Variants in GRIN2C observed in about 807,000 individuals in gnomAD.
The protein encoded by GRIN2C is glutamate ionotropic receptor NMDA type subunit 2C, also known as glutamate receptor ionotropic, NMDA 2C.
In GRIN2C, 64 loss-of-function variants were observed where a neutral mutation model predicts 77.7. The ratio of observed to expected loss-of-function variants is 0.82; its 90% CI spans 0.67 to 1.01. GRIN2C has a LOEUF of 1.01. Among genes scored for constraint, GRIN2C ranks in the 50% least tolerant of loss-of-function variants. The probability of loss-of-function intolerance (pLI) is 0.00; values close to 1 mark genes in which losing one functional copy is unlikely to be tolerated. For missense variants in GRIN2C, 1,549 were observed against 1,486.0 expected, an observed-to-expected ratio of 1.04 and a Z score of -0.70; for synonymous variants, 792 against 643.4, an observed-to-expected ratio of 1.23 and a Z score of -3.49.
chr17:74,850,458 G>A lies in GRIN2C; in HGVS notation c.1326-87C>T. 1.3e-6 allele frequency: 2 copies of A among 1,567,512 alleles called. No individual in the cohort carries two copies. The highest frequency in any genetic ancestry group is 1.7e-6 in the Non-Finnish European group (2 of 1,145,708). ...CAGCCACTCCTCCAGCCTGGCACGT[G>A]GACCCCTGCCCCACACCCAAGCATG... On this transcript the variant is annotated intron_variant, in intron 5 of 12. Transcript: ENST00000293190. This position sits in a 1 kb window ranked among gnomAD's most constrained non-coding sequence, Gnocchi z 5.3.
In GRIN2C at chr17:74,843,454, T is replaced by G; in HGVS notation, c.2683A>C (p.Lys895Gln). 2.0e-6 allele frequency: 3 copies of G among 1,535,222 alleles called. No homozygotes were observed. Among genetic ancestry groups the G allele is most frequent in the Non-Finnish European group, 2.6e-6 (3 of 1,146,304 alleles). ...TASSAQASVL[K>Q]MLQAARDMVT... ...ATGTCGCGGGCTGCCTGCAGCATCT[T>G]GAGCACGCTGGCCTGGGCCGAGCTG... The change falls in exon 13 of 13, where the codon AAG becomes CAG. Residue 895 changes from lysine (K) to glutamine (Q), a missense_variant. By Grantham distance (53) the Lys-to-Gln change is moderately conservative. Transcript: ENST00000293190.
At position 74,846,791 on chromosome 17, in the gene GRIN2C, C is replaced by T. The variant is rs1220782004; in HGVS notation, c.2131G>A (p.Val711Met). ...THMVKFNQRS[V>M]EDALTSLKMG... ...TTGAGGCTGGTGAGCGCGTCCTCCA[C>T]CGAGCGCTGGTTGAACTTGACCATG... The change falls in exon 10 of 13, where the codon GTG becomes ATG. Residue 711 changes from valine to methionine, a missense_variant. Val to Met is a conservative substitution (Grantham distance 21). Coordinates refer to ENST00000293190, the MANE Select transcript of GRIN2C (RefSeq NM_000835.6). This position sits in a 1 kb window ranked among gnomAD's most constrained non-coding sequence, Gnocchi z 4.4. The T allele has an allele frequency of 6.2e-7, 1 of 1,614,102 alleles. No homozygotes were observed. The highest frequency in any genetic ancestry group is 1.1e-5 in the South Asian group (1 of 91,084).
chr17:74,850,840 G>T lies in GRIN2C; in HGVS notation c.1114-73C>A. 7.1e-6 allele frequency: 9 copies of T among 1,276,244 alleles called. No homozygotes were observed. The highest frequency in any genetic ancestry group is 1.0e-5 in the Non-Finnish European group (9 of 899,296). The allele number at this position is 1,276,244 out of a possible 1,614,324, so 79.1% of individuals were successfully genotyped here. ...CCACCCTCTAGGTGGAGCCTGCCAG[G>T]GCCAAGAATCTCCCTCTCTCACCTA... On this transcript the variant is annotated intron_variant, in intron 4 of 12. Coordinates refer to ENST00000293190, the MANE Select transcript of GRIN2C (RefSeq NM_000835.6). The surrounding 1 kb of genome is among the most constrained non-coding windows in gnomAD (Gnocchi z 5.3).
chr17:74,855,234 C>T, intron 1 of GRIN2C, 127 bp from the exon 2 acceptor site: 2 of 708,138 alleles, frequency 2.8e-6, no homozygotes, highest in Non-Finnish European at 4.5e-6. Flanking sequence ...ACCTCCCTCC[C>T]CGAAGAGAGG....
chr17:74,852,476 G>C lies in GRIN2C; in HGVS notation c.535C>G (p.Leu179Val). The change falls in exon 3 of 13, where the codon CTG (leucine) becomes GTG (valine). Residue 179 changes from leucine (L) to valine (V), a missense_variant. Leu to Val is a conservative substitution (Grantham distance 32). Transcript: ENST00000293190. ...TSLHPGHALF[L>V]EGVRAVADAS... Reference sequence around the variant, plus strand: ...TCGGCGACGGCGCGCACGCCCTCCAGGAAGAGCGCGTGGCCCGGGTGCAGG... The same window carrying C: ...TCGGCGACGGCGCGCACGCCCTCCACGAAGAGCGCGTGGCCCGGGTGCAGG... 1 of 1,562,516 alleles carries C rather than the reference G, an allele frequency of 6.4e-7. No individual in the cohort carries two copies. Among genetic ancestry groups the C allele is most frequent in the South Asian group, 1.2e-5 (1 of 86,276 alleles).
At chr17:74,858,597 T>A (rs1488285725) in intron 1 of GRIN2C, among the ~76,000 whole-genome samples, 1 of 78,828 alleles carries the variant, frequency 1.3e-5, no homozygotes, top group African/African-American at 5.1e-5. Context: ...CTCCCTTGCC[T>A]CCCCCTCCCC....
chr17:74,847,591 G>A lies in GRIN2C; in HGVS notation c.1772-54C>T. 7.7e-7 allele frequency: 1 copy of A among 1,305,302 alleles called. No homozygotes were observed. 80.9% of individuals were successfully genotyped at this position (1,305,302 alleles called of 1,614,324 possible). ...AGCTCCTCCTGCCCACCATGAAAGG[G>A]CTCAGGGCTCAGCCCACCCGACTGC... On this transcript the variant is annotated intron_variant, in intron 8 of 12. Coordinates refer to ENST00000293190, the MANE Select transcript of GRIN2C (RefSeq NM_000835.6). This position sits in a 1 kb window ranked among gnomAD's most constrained non-coding sequence, Gnocchi z 5.2.
At position 74,851,631 on chromosome 17, in the gene GRIN2C, C is replaced by T; in HGVS notation, c.1059G>A (p.Leu353=). 6.4e-7 allele frequency: 1 copy of T among 1,573,026 alleles called. No homozygotes were observed. Among genetic ancestry groups the T allele is most frequent in the Non-Finnish European group, 8.6e-7 (1 of 1,158,180 alleles). The change falls in exon 4 of 13, where the codon CTG becomes CTA. Residue 353 remains leucine, a synonymous_variant. Transcript: ENST00000293190. ...RDFSFSPGGY[L]VQPTMVVIAL... is the part of the protein sequence containing the mutation. ...CGATCACCACCATGGTGGGCTGGAC[C>T]AGGTACCCACCAGGGCTGAAGGAGA...
chr17:74,854,463 T>C, intron 2 of GRIN2C: 1 of 520,352 alleles, frequency 1.9e-6, no homozygotes, highest in East Asian at 3.2e-5. Context: ...AGGGTGGGCC[T>C]GCACCCTGCC....
chr17:74,842,590 C>G lies in GRIN2C; in HGVS notation c.3547G>C (p.Gly1183Arg), dbSNP rs775784886. Residue 1183 changes from glycine (G) to arginine (R), a missense_variant, in exon 13 of 13, where the codon GGG becomes CGG. Coordinates refer to ENST00000293190, the MANE Select transcript of GRIN2C (RefSeq NM_000835.6). ...SHGSWLSGAWGPLGHRGRTLG... is the reference protein window; with the variant it reads ...SHGSWLSGAWRPLGHRGRTLG... ...GTCCTGCCCCTGTGCCCCAGAGGCC[C>G]CCAGGCCCCGGAGAGCCAGGAGCCG... is the stretch of plus-strand genomic sequence containing the variant. 1 of 769,988 alleles carries G rather than the reference C, an allele frequency of 1.3e-6. No individual in the cohort carries two copies. Among genetic ancestry groups the G allele is most frequent in the Non-Finnish European group, 2.4e-6 (1 of 413,428 alleles). 47.7% of individuals were successfully genotyped at this position (769,988 alleles called of 1,614,324 possible).
Position 74,842,399 on chromosome 17 carries a change from G to T in GRIN2C, c.*36C>A. ...CTTAACCCTGACAGTGGCAGGCAGA[G>T]AATCCAGCTGGCTCGGAGCCTGAGT... On this transcript the variant is annotated 3_prime_UTR_variant, in exon 13 of 13. Transcript: ENST00000293190. The T allele has an allele frequency of 1.3e-6, 1 of 749,008 alleles. No individual in the cohort carries two copies. The highest frequency in any genetic ancestry group is 2.5e-6 in the Non-Finnish European group (1 of 403,890). The allele number at this position is 749,008 out of a possible 1,614,324, so 46.4% of individuals were successfully genotyped here.
In GRIN2C at chr17:74,850,985, T is replaced by G; in HGVS notation, c.1114-218A>C. On this transcript the variant is annotated intron_variant, in intron 4 of 12. Transcript: ENST00000293190. The surrounding 1 kb of genome is among the most constrained non-coding windows in gnomAD (Gnocchi z 5.3). Reference sequence around the variant, plus strand: ...TCTTCCTAAAGCCCAGACCTGACCCTGTCTCACTCACTGTACTGGTCCCCC... The same window carrying G: ...TCTTCCTAAAGCCCAGACCTGACCCGGTCTCACTCACTGTACTGGTCCCCC... 1 of 593,736 alleles carries G rather than the reference T, an allele frequency of 1.7e-6. No individual in the cohort carries two copies. The highest frequency in any genetic ancestry group is 3.0e-5 in the Admixed American group (1 of 33,876). The allele number at this position is 593,736 out of a possible 1,614,324, so 36.8% of individuals were successfully genotyped here.
Position 74,859,832 on chromosome 17 carries a change from G to A in GRIN2C, c.-104C>T, listed in dbSNP as rs1598502860. Reference sequence around the variant, plus strand: ...ATCAGGCTCCCCCCGCGGGAGGAGGGGGCGCGAGCAGCGAGAGCCACCGTC... The same window carrying A: ...ATCAGGCTCCCCCCGCGGGAGGAGGAGGCGCGAGCAGCGAGAGCCACCGTC... On this transcript the variant is annotated 5_prime_UTR_variant, in exon 1 of 13. Coordinates refer to ENST00000293190, the MANE Select transcript of GRIN2C (RefSeq NM_000835.6). The surrounding 1 kb of genome is among the most constrained non-coding windows in gnomAD (Gnocchi z 5.9). The A allele has an allele frequency of 6.5e-6, 1 of 153,470 alleles. No individual in the cohort carries two copies. Among genetic ancestry groups the A allele is most frequent in the East Asian group, 1.9e-4 (1 of 5,232 alleles). The allele number at this position is 153,470 out of a possible 1,614,324, so 9.5% of individuals were successfully genotyped here. A position where few individuals can be genotyped will look rare whatever the true frequency, so the allele number is the denominator to read the frequency against.
chr17:74,857,480 G>C (rs2037847549), intron 1 of GRIN2C, among the ~76,000 whole-genome samples: 1 of 152,208 alleles, frequency 6.6e-6, no homozygotes, highest in South Asian at 2.1e-4. Flanking sequence ...TGACAGCCCA[G>C]AGACATGTTT....
rs910446968 is a variant in GRIN2C, at chr17:74,846,324, C to T, written c.2163-71G>A. 5.0e-6 allele frequency: 7 copies of T among 1,391,544 alleles called. No homozygotes were observed. Among genetic ancestry groups the T allele is most frequent in the Non-Finnish European group, 6.1e-6 (6 of 989,426 alleles). 86.2% of individuals were successfully genotyped at this position (1,391,544 alleles called of 1,614,324 possible). ...AGGGGACACCGAAACTGGGGCGTGA[C>T]AGGGGTCTAAACCACATGAGCCTGC... On this transcript the variant is annotated intron_variant, in intron 10 of 12. Coordinates refer to ENST00000293190, the MANE Select transcript of GRIN2C (RefSeq NM_000835.6). The surrounding 1 kb of genome is among the most constrained non-coding windows in gnomAD (Gnocchi z 4.4).
rs377615763 is a variant in GRIN2C at position 74,842,534 on chromosome 17, ACTGTCT to A, written c.3597_3602del (p.Arg1199_Asp1200del). The A allele has an allele frequency of 9.0e-4, 700 of 778,550 alleles. 4 individuals are homozygous for A. The African/African-American group carries it at 0.01, about 12-fold the overall frequency. 48.2% of individuals were successfully genotyped at this position (778,550 alleles called of 1,614,324 possible). ...CCCTGCTGATCTCGTCCAGTCCCCC[ACTGTCT>A]CTGTAGCCTGTGCCCAGCCCCAGAG... On this transcript the variant is annotated inframe_deletion, in exon 13 of 13. Coordinates refer to ENST00000293190, the MANE Select transcript of GRIN2C (RefSeq NM_000835.6).
chr17:74,848,488 C>A (rs562463892), intron 7 of GRIN2C, among the ~76,000 whole-genome samples: 2 of 152,198 alleles, frequency 1.3e-5, no homozygotes, highest in South Asian at 4.1e-4. Flanking sequence ...ACGAGACGGG[C>A]GGATCGTTCG....
At position 74,851,620 on chromosome 17, in the gene GRIN2C, G is replaced by A; in HGVS notation, c.1070C>T (p.Thr357Ile). The change falls in exon 4 of 13, where the codon ACC (threonine) becomes ATC (isoleucine). Residue 357 changes from threonine to isoleucine, a missense_variant. Coordinates refer to ENST00000293190, the MANE Select transcript of GRIN2C (RefSeq NM_000835.6). ...FSPGGYLVQP[T>I]MVVIALNRHR... ...CCGGTTGAGGGCGATCACCACCATG[G>A]TGGGCTGGACCAGGTACCCACCAGG... is the stretch of plus-strand genomic sequence containing the variant. 1 of 1,570,026 alleles carries A rather than the reference G, an allele frequency of 6.4e-7. No homozygotes were observed. Among genetic ancestry groups the A allele is most frequent in the South Asian group, 1.2e-5 (1 of 85,586 alleles).
Position 74,854,914 on chromosome 17 carries a change from A to C in GRIN2C, c.179T>G (p.Leu60Arg). Residue 60 changes from leucine (L) to arginine (R), a missense_variant, in exon 2 of 13, where the codon CTG (leucine) becomes CGG (arginine). This residue lies in a region of GRIN2C where 382 missense variants were observed against 360.0 expected (regional missense o/e 1.06). Transcript: ENST00000293190. ...LTPQSFLDLPLEIQPLTVGVN... is the reference protein window; with the variant it reads ...LTPQSFLDLPREIQPLTVGVN... The stretch of plus-strand genomic sequence containing the variant: ...CCCAACTGTGAGCGGCTGGATCTCC[A>C]GGGGTAGGTCCAGGAAGCTCTGGGG... 6.2e-7 allele frequency: 1 copy of C among 1,613,526 alleles called. No homozygotes were observed.
Sources: allele counts gnomAD v4.1 joint callset (sites outside exome capture counted in the v4.1 genomes callset), GRCh38; gene constraint gnomAD v4.1.1; regional missense constraint gnomAD v4.1.1; non-coding constraint Gnocchi (gnomAD v3.1); transcripts MANE v1.5; gene names NCBI Gene and HGNC (gene_info 2026-07-23, HGNC 2026-07-21).